Variants in CACNA2D1 observed in about 807,000 individuals in gnomAD.
CACNA2D1 encodes the protein calcium voltage-gated channel auxiliary subunit alpha2delta 1, also known as voltage-dependent calcium channel subunit alpha-2/delta-1.
CACNA2D1 carries 53 observed loss-of-function variants against 171.5 expected under a neutral mutation model. The ratio of observed to expected loss-of-function variants is 0.31; its 90% CI spans 0.25 to 0.39. CACNA2D1 has a LOEUF of 0.39. Among genes scored for constraint, CACNA2D1 ranks in the 10% least tolerant of loss-of-function variants. The probability of loss-of-function intolerance (pLI) is 1.00; values close to 1 mark genes in which losing one functional copy is unlikely to be tolerated. For synonymous variants in CACNA2D1, 442 were observed against 443.1 expected (o/e 1.00, Z 0.03); for missense variants, 903 against 1,299.8 (o/e 0.69, Z 4.69).
chr7:82,296,041 T>C (rs56218343), intron 3 of CACNA2D1, among the ~76,000 whole-genome samples: 47,974 of 148,770 alleles, frequency 0.32, 7,809 homozygotes, highest in Non-Finnish European at 0.35. Context: ...TTCTCACTCA[T>C]AGATGGGAAT....
intron 3 of CACNA2D1, among the ~76,000 whole-genome samples, chr7:82,266,238 T>G (rs1807830667): frequency 6.6e-6 from 1 of 152,188 alleles, no homozygotes; most frequent in African/African-American, 2.4e-5. Context: ...TAGGTTTTGA[T>G]TTAAGATTGA....
rs986093682 is a variant in CACNA2D1, at chr7:82,180,212, A to C, written c.295-9603T>G. ...CGAGGGCAGATTTGTTTCTTGCCCC[A>C]AAAAATAAAAGTGATCCTCTGAGGC... On this transcript the variant is annotated intron_variant, in intron 3 of 38. Transcript: ENST00000356860. Among the ~76,000 whole-genome samples, 11 of 152,250 alleles carry C rather than the reference A, an allele frequency of 7.2e-5. No individual in the cohort carries two copies. In the East Asian group the frequency reaches 1.5e-3, roughly 21 times the overall value.
At chr7:82,018,190 G>C (rs1800741783) in intron 12 of CACNA2D1, among the ~76,000 whole-genome samples, 1 of 152,154 alleles carries the variant, frequency 6.6e-6, no homozygotes, top group South Asian at 2.1e-4. Flanking sequence ...GTCTTCAACA[G>C]AAATACTGTG....
At chr7:82,278,919 A>G (rs932608712) in intron 3 of CACNA2D1, among the ~76,000 whole-genome samples, 10 of 152,296 alleles carry the variant, frequency 6.6e-5, no homozygotes, top group Admixed American at 5.9e-4. Flanking sequence ...AACAGAACAC[A>G]TGAATTGGTT....
chr7:82,167,791 T>C (rs1389877809), intron 4 of CACNA2D1, among the ~76,000 whole-genome samples: 1 of 152,070 alleles, frequency 6.6e-6, no homozygotes, highest in Non-Finnish European at 1.5e-5. Context: ...TGTCAATCAG[T>C]ATGTCAACAG....
Position 82,058,005 on chromosome 7 carries a change from TA to T in CACNA2D1, c.879+2422del, listed in dbSNP as rs548715207. On this transcript the variant is annotated intron_variant, in intron 10 of 38. Coordinates refer to ENST00000356860, the MANE Select transcript of CACNA2D1 (RefSeq NM_000722.4). Reference sequence around the variant, plus strand: ...CTGGATCCTGGGCCAGGCTTCTAACTACCAGCACCTACAACTTTTTGTTTCA... The same window carrying T: ...CTGGATCCTGGGCCAGGCTTCTAACTCCAGCACCTACAACTTTTTGTTTCA... 5.3e-5 allele frequency among the ~76,000 whole-genome samples: 8 copies of T among 152,288 alleles called. No homozygotes were observed. The East Asian group carries it at 1.5e-3, about 29-fold the overall frequency.
intron 1 of CACNA2D1, among the ~76,000 whole-genome samples, chr7:82,360,421 C>A (rs1004897254): frequency 1.3e-5 from 2 of 152,036 alleles, no homozygotes; most frequent in African/African-American, 4.8e-5. Flanking sequence ...TTTTTCCTCA[C>A]GTTACATTTT....
intron 3 of CACNA2D1, among the ~76,000 whole-genome samples, chr7:82,200,170 T>C (rs1358443036): frequency 1.3e-5 from 2 of 152,126 alleles, no homozygotes; most frequent in Non-Finnish European, 2.9e-5. Flanking sequence ...AAATATGGTA[T>C]AGAAATTATT....
chr7:82,343,503 C>T (rs1024858149), intron 2 of CACNA2D1, among the ~76,000 whole-genome samples: 18 of 152,126 alleles, frequency 1.2e-4, no homozygotes, highest in Non-Finnish European at 1.8e-4. Flanking sequence ...TAAACTATAA[C>T]AAAGACTAAA....
intron 3 of CACNA2D1, among the ~76,000 whole-genome samples, chr7:82,312,073 T>G (rs942877563): frequency 6.6e-6 from 1 of 152,204 alleles, no homozygotes; most frequent in African/African-American, 2.4e-5. Context: ...AAATTTCATA[T>G]GAAAAAGTTA....
At chr7:81,969,082 A>G (rs1584227627) in intron 28 of CACNA2D1, 109 bp from the exon 29 acceptor site, 1 of 689,526 alleles carries the variant, frequency 1.5e-6, no homozygotes. Flanking sequence ...AAATTCTAGC[A>G]TCTACAAACT....
chr7:82,093,939 T>G (rs1811543218), intron 6 of CACNA2D1, among the ~76,000 whole-genome samples: 1 of 152,120 alleles, frequency 6.6e-6, no homozygotes, highest in African/African-American at 2.4e-5. Flanking sequence ...CATAAGAAAT[T>G]TAGTGTCTCC....
rs576467923 is a variant in CACNA2D1 at position 82,406,713 on chromosome 7, A to G, written c.95+36652T>C. ...CTTCTTTTGAGAAGTGTCTGTTCAT[A>G]TCCTTCACCCACTTTTTGATCGGGT... On this transcript the variant is annotated intron_variant, in intron 1 of 38. Coordinates refer to ENST00000356860, the MANE Select transcript of CACNA2D1 (RefSeq NM_000722.4). 3.9e-5 allele frequency among the ~76,000 whole-genome samples: 6 copies of G among 152,174 alleles called. No individual in the cohort carries two copies. The South Asian group carries it at 1.0e-3, about 26-fold the overall frequency.
chr7:81,983,363 AG>A, intron 22 of CACNA2D1, 29 bp from the exon 23 acceptor site: 5 of 1,595,194 alleles, frequency 3.1e-6, no homozygotes, highest in Non-Finnish European at 4.3e-6. Context: ...AAGAGAAAGC[AG>A]GGAAACAAAA....
At chr7:82,004,522 T>C (rs1362072062) in intron 18 of CACNA2D1, among the ~76,000 whole-genome samples, 1 of 151,986 alleles carries the variant, frequency 6.6e-6, no homozygotes, top group Non-Finnish European at 1.5e-5. Flanking sequence ...CTCTTATGGA[T>C]TTGAACCATA....
chr7:82,314,553 A>C (rs929415), intron 3 of CACNA2D1, among the ~76,000 whole-genome samples: 38,845 of 152,170 alleles, frequency 0.26, 5,879 homozygotes, highest in African/African-American at 0.43. Flanking sequence ...AGGTGTGCTA[A>C]CTATTAGTAA....
At chr7:82,291,189 T>C (rs1324859200) in intron 3 of CACNA2D1, among the ~76,000 whole-genome samples, 3 of 123,648 alleles carry the variant, frequency 2.4e-5, no homozygotes, top group African/African-American at 9.6e-5. Flanking sequence ...TCTATATCGA[T>C]ATAGAATTCT....
At chr7:82,413,845 C>T (rs1827914407) in intron 1 of CACNA2D1, among the ~76,000 whole-genome samples, 3 of 151,894 alleles carry the variant, frequency 2.0e-5, no homozygotes, top group Admixed American at 2.0e-4. Context: ...CACATATATA[C>T]TCACTAATAC....
At chr7:82,136,824 A>G (rs1057242744) in intron 4 of CACNA2D1, 148 bp from the exon 5 acceptor site, 7 of 614,464 alleles carry the variant, frequency 1.1e-5, no homozygotes, top group Non-Finnish European at 1.9e-5. Flanking sequence ...ATTAGCCACT[A>G]TTTTTCCAGG....
Sources: gnomAD v4.1 joint callset for allele counts (sites outside exome capture counted in the v4.1 genomes callset) on GRCh38, gnomAD v4.1.1 for gene constraint, MANE v1.5 for transcripts, NCBI Gene and HGNC (gene_info 2026-07-23, HGNC 2026-07-21) for gene names.